MOCS1: variants seen among roughly 807,000 people sequenced by gnomAD.
The protein encoded by MOCS1 is molybdenum cofactor synthesis 1, also known as molybdenum cofactor biosynthesis protein 1.
Under a neutral mutation model 57.6 loss-of-function variants are expected in MOCS1, and 39 were observed. The ratio of observed to expected loss-of-function variants is 0.68; its 90% CI spans 0.52 to 0.88. The LOEUF (loss-of-function observed/expected upper bound fraction) is 0.88. Among genes scored for constraint, MOCS1 ranks in the 40% least tolerant of loss-of-function variants. The probability of loss-of-function intolerance (pLI) is 0.00; values close to 1 mark genes in which losing one functional copy is unlikely to be tolerated. For synonymous variants in MOCS1, 334 were observed against 335.7 expected, an observed-to-expected ratio of 1.00 and a Z score of 0.05; for missense variants, 795 against 831.1, an observed-to-expected ratio of 0.96 and a Z score of 0.53.
intron 1 of MOCS1, among the ~76,000 whole-genome samples, chr6:39,933,644 T>C (rs1169305055): frequency 6.6e-6 from 1 of 152,106 alleles, no homozygotes; most frequent in Non-Finnish European, 1.5e-5. Context: ...CTTGAAACAC[T>C]CTGAGGGGTG....
intron 2 of MOCS1, chr6:39,927,060 T>G (rs1582836229): frequency 2.4e-6 from 1 of 425,194 alleles, no homozygotes. Flanking sequence ...GAATGAGAGG[T>G]CCAGGATCCA....
intron 8 of MOCS1, among the ~76,000 whole-genome samples, chr6:39,911,890 T>C (rs1767352302): frequency 6.6e-6 from 1 of 152,190 alleles, no homozygotes; most frequent in Non-Finnish European, 1.5e-5. Flanking sequence ...GCTTGTTAGA[T>C]ATGAGTAACA....
At chr6:39,933,512 A>G (rs542559943) in intron 1 of MOCS1, among the ~76,000 whole-genome samples, 25 of 152,152 alleles carry the variant, frequency 1.6e-4, no homozygotes, top group Admixed American at 1.2e-3. Context: ...GGAGACGGGG[A>G]AAAAAACGCC....
At chr6:39,915,288 C>T (rs897311134) in intron 4 of MOCS1, among the ~76,000 whole-genome samples, 1 of 152,144 alleles carries the variant, frequency 6.6e-6, no homozygotes, top group Admixed American at 6.5e-5. Context: ...AGGCATCACA[C>T]CCCGTTTAAG....
chr6:39,927,474 G>A lies in MOCS1; in HGVS notation c.124-19C>T, dbSNP rs748716557. ...ACACCTCCTGCGAGGACAGACCAGG[G>A]AGGAAGCATGGGCCCCTGCTACCGG... On this transcript the variant is annotated intron_variant, in intron 1 of 10. Coordinates refer to ENST00000340692, the MANE Select transcript of MOCS1 (RefSeq NM_001358530.2). 4.0e-5 allele frequency: 65 copies of A among 1,609,816 alleles called. No individual in the cohort carries two copies. The highest frequency in any genetic ancestry group is 5.3e-5 in the Non-Finnish European group (62 of 1,178,326).
chr6:39,907,225 A>G, intron 10 of MOCS1, 108 bp from the exon 11 acceptor site: 1 of 1,197,458 alleles, frequency 8.4e-7, no homozygotes, highest in Non-Finnish European at 1.1e-6. Context: ...TCTCTTTCAT[A>G]CCGGGGAAAG....
intron 1 of MOCS1, among the ~76,000 whole-genome samples, chr6:39,929,807 T>A (rs1768548542): frequency 6.6e-6 from 1 of 151,794 alleles, no homozygotes; most frequent in African/African-American, 2.4e-5. Flanking sequence ...CTGGCTGTGG[T>A]GGCGCGAGTC....
chr6:39,909,311 GGAAAGCAGGGGAAGGGGAGAGGGAGA>G, intron 9 of MOCS1, among the ~76,000 whole-genome samples: 1 of 113,216 alleles, frequency 8.8e-6, no homozygotes, highest in Non-Finnish European at 1.8e-5. Flanking sequence ...GAGAGGGAGA[GGAAAGCAGGGGAAGGGGAGAGGGAGA>G]GGAAAGCAGG....
At chr6:39,918,747 T>C (rs537088941) in intron 3 of MOCS1, among the ~76,000 whole-genome samples, 2 of 152,024 alleles carry the variant, frequency 1.3e-5, no homozygotes, top group South Asian at 4.2e-4. Context: ...AAATGGCAGG[T>C]GGGTCATCAA....
At chr6:39,912,462 C>G in intron 7 of MOCS1, 88 bp from the exon 8 acceptor site, 1 of 926,204 alleles carries the variant, frequency 1.1e-6, no homozygotes, top group East Asian at 2.4e-5. Context: ...AGAACCTCCA[C>G]TCCTCAACCC....
At chr6:39,921,837 T>G (rs1305915792) in intron 3 of MOCS1, among the ~76,000 whole-genome samples, 1 of 152,160 alleles carries the variant, frequency 6.6e-6, no homozygotes, top group Admixed American at 6.5e-5. Flanking sequence ...ATGGGTTAAC[T>G]TGTGTCATGG....
At chr6:39,923,717 C>T (rs916519067) in intron 3 of MOCS1, among the ~76,000 whole-genome samples, 3 of 152,262 alleles carry the variant, frequency 2.0e-5, no homozygotes, top group Non-Finnish European at 2.9e-5. Flanking sequence ...ACAGAGGTTC[C>T]CAGGCCAAGT....
intron 3 of MOCS1, among the ~76,000 whole-genome samples, chr6:39,920,419 G>C (rs7772587): frequency 6.6e-6 from 1 of 152,164 alleles, no homozygotes; most frequent in Non-Finnish European, 1.5e-5. Context: ...TCCACCGCTA[G>C]AGAAACTGTA....
intron 8 of MOCS1, among the ~76,000 whole-genome samples, chr6:39,911,706 C>G (rs1168000048): frequency 6.6e-6 from 1 of 152,108 alleles, no homozygotes; most frequent in South Asian, 2.1e-4. Flanking sequence ...TCAAGGCTCG[C>G]TGAGGTCTGT....
At position 39,906,866 on chromosome 6, in the gene MOCS1, C is replaced by T. The variant is rs1766988368; in HGVS notation, c.1402G>A (p.Ala468Thr). The change falls in exon 11 of 11, where the codon GCT (alanine) becomes ACT (threonine). Residue 468 changes from alanine (A) to threonine (T), a missense_variant. Around this residue, in one of 3 missense-constraint regions of MOCS1, gnomAD observed 374 missense variants for 422.6 expected, o/e 0.89. Coordinates refer to ENST00000340692, the MANE Select transcript of MOCS1 (RefSeq NM_001358530.2). ...NSKCLSPGSW[A>T]SAAPSGPQLT... ...TGGGGTCCTGAGGGGGCAGCAGAAG[C>T]CCAGGAACCTGGGCTAAGGCACTTT... 6.2e-7 allele frequency: 1 copy of T among 1,614,060 alleles called. No homozygotes were observed. The highest frequency in any genetic ancestry group is 8.5e-7 in the Non-Finnish European group (1 of 1,180,040).
intron 1 of MOCS1, chr6:39,932,305 C>A (rs1243300541): frequency 6.6e-6 from 1 of 152,252 alleles, no homozygotes; most frequent in African/African-American, 2.4e-5. Context: ...AGACTCACCT[C>A]CCCTTAGAGT....
chr6:39,925,081 AAAACAAAC>A (rs529270555), intron 3 of MOCS1, among the ~76,000 whole-genome samples: 3 of 152,190 alleles, frequency 2.0e-5, no homozygotes, highest in African/African-American at 7.2e-5. Flanking sequence ...CTCTATCTCA[AAAACAAAC>A]AAACAAACAA....
In MOCS1 at chr6:39,916,053, T is replaced by A; in HGVS notation, c.583+15A>T. 4 of 1,593,880 alleles carry A rather than the reference T, an allele frequency of 2.5e-6. No individual in the cohort carries two copies. Among genetic ancestry groups the A allele is most frequent in the Non-Finnish European group, 3.4e-6 (4 of 1,170,834 alleles). On this transcript the variant is annotated intron_variant, in intron 4 of 10. Coordinates refer to ENST00000340692, the MANE Select transcript of MOCS1 (RefSeq NM_001358530.2). ...GGCCCTGGGAGGGACACCCACCCCA[T>A]CCACATCCGCTCACCTTTCCTGCGG...
rs2149407369 is a variant in MOCS1, at chr6:39,916,236, T to C, written c.419-4A>G. 1 of 1,613,048 alleles carries C rather than the reference T, an allele frequency of 6.2e-7. No individual in the cohort carries two copies. Among genetic ancestry groups the C allele is most frequent in the Admixed American group, 1.7e-5 (1 of 59,976 alleles). On this transcript the variant is annotated splice_region_variant and splice_polypyrimidine_tract_variant and intron_variant, in intron 3 of 10. Coordinates refer to ENST00000340692, the MANE Select transcript of MOCS1 (RefSeq NM_001358530.2). ...CCTTCCAGCCGCTGGAGCTGGGCTG[T>C]AAGGACAACAGAAAGGGGGTCAGAC...
Sources: gnomAD v4.1 joint callset for allele counts (sites outside exome capture counted in the v4.1 genomes callset) on GRCh38, gnomAD v4.1.1 for gene constraint, gnomAD v4.1.1 regional missense constraint, MANE v1.5 for transcripts, NCBI Gene and HGNC (gene_info 2026-07-23, HGNC 2026-07-21) for gene names.